Variants in CAPN11 observed in about 807,000 individuals in gnomAD.
CAPN11 encodes the protein calpain-11.
A neutral mutation model predicts 105.3 loss-of-function variants in CAPN11; 108 were observed. The observed-to-expected ratio is 1.03, with a 90% confidence interval of 0.88 to 1.20. CAPN11 has a LOEUF of 1.20. CAPN11 is among the 50% of genes most tolerant of loss of function. The pLI is 0.00. For synonymous variants in CAPN11, 329 were observed against 344.5 expected, an observed-to-expected ratio of 0.96 and a Z score of 0.50; for missense variants, 883 against 924.8, an observed-to-expected ratio of 0.95 and a Z score of 0.59.
intron 1 of CAPN11, among the ~76,000 whole-genome samples, chr6:44,165,956 G>A (rs991395806): frequency 6.6e-6 from 1 of 152,166 alleles, no homozygotes; most frequent in Admixed American, 6.5e-5. Context: ...GGGGTTGTCT[G>A]AAGGCCCTGG....
Position 44,183,894 on chromosome 6 carries a change from C to T in CAPN11, c.2194-12C>T. 1 of 1,560,682 alleles carries T rather than the reference C, an allele frequency of 6.4e-7. No homozygotes were observed. Among genetic ancestry groups the T allele is most frequent in the Non-Finnish European group, 8.7e-7 (1 of 1,151,864 alleles). ...CTCTTCCCACCCTGGGATCTGCTTC[C>T]TGTCTCCACAGTGGCTGCAGATGAC... is the stretch of plus-strand genomic sequence containing the variant. On this transcript the variant is annotated splice_polypyrimidine_tract_variant and intron_variant, in intron 22 of 22. Coordinates refer to ENST00000398776, the MANE Select transcript of CAPN11 (RefSeq NM_007058.4).
At chr6:44,172,188 G>C (rs1362195561) in intron 4 of CAPN11, 114 bp from the exon 5 acceptor site, 1 of 603,624 alleles carries the variant, frequency 1.7e-6, no homozygotes, top group Non-Finnish European at 2.8e-6. Context: ...CTCCGCCGGG[G>C]GGGTGAGAAT....
chr6:44,180,891 A>G (rs745945490), intron 17 of CAPN11, 42 bp from the exon 18 acceptor site: 2 of 1,607,462 alleles, frequency 1.2e-6, no homozygotes, highest in Non-Finnish European at 1.7e-6. Context: ...ACGATACCTC[A>G]TTTACCCTGT....
rs1292133072 is a variant in CAPN11, at chr6:44,169,343, G to C, written c.151G>C (p.Gly51Arg). ...AAACAACAGCCGGCTCAAGGCCAAG[G>C]GCGTGGGCCAGCACGACAACGCCCA... ...HINNSRLKAK[G>R]VGQHDNAQNF... The change falls in exon 3 of 23, where the codon GGC becomes CGC. Residue 51 changes from glycine (G) to arginine (R), a missense_variant. Transcript: ENST00000398776. 3 of 1,614,016 alleles carry C rather than the reference G, an allele frequency of 1.9e-6. No individual in the cohort carries two copies. The highest frequency in any genetic ancestry group is 2.5e-6 in the Non-Finnish European group (3 of 1,179,894).
chr6:44,172,669 G>A (rs761942642), intron 5 of CAPN11, among the ~76,000 whole-genome samples: 25 of 152,216 alleles, frequency 1.6e-4, no homozygotes, highest in Non-Finnish European at 3.2e-4. Flanking sequence ...CACTGTGTGT[G>A]TGGGTGTGTG....
chr6:44,172,430 AGT>A lies in CAPN11; in HGVS notation c.528+14_528+15del. ...CATCTTCCATTTTCAGGTGAAGGAC[AGT>A]GTGAGAGCCACTGTGGCTTTGTTGG... On this transcript the variant is annotated intron_variant, in intron 5 of 22. Transcript: ENST00000398776. The A allele has an allele frequency of 6.7e-7, 1 of 1,496,910 alleles. No homozygotes were observed. Among genetic ancestry groups the A allele is most frequent in the Non-Finnish European group, 9.1e-7 (1 of 1,098,776 alleles). The allele number at this position is 1,496,910 out of a possible 1,614,324, so 92.7% of individuals were successfully genotyped here.
In CAPN11 at chr6:44,179,615, C is replaced by T. The variant is rs368103218; in HGVS notation, c.1417-4C>T. On this transcript the variant is annotated splice_region_variant and splice_polypyrimidine_tract_variant and intron_variant, in intron 12 of 22. Coordinates refer to ENST00000398776, the MANE Select transcript of CAPN11 (RefSeq NM_007058.4). ...TCTGACTCTCCTCTTTCTTCCCTTC[C>T]CAGGTCCCAAAAGAGGTACAGAAGA... 3 of 1,613,268 alleles carry T rather than the reference C, an allele frequency of 1.9e-6. No homozygotes were observed. In the African/African-American group the frequency reaches 4.0e-5, roughly 22 times the overall value.
chr6:44,164,824 T>C (rs528327088), intron 1 of CAPN11, among the ~76,000 whole-genome samples: 8 of 152,246 alleles, frequency 5.3e-5, no homozygotes, highest in African/African-American at 1.7e-4. Flanking sequence ...ACATCTAAAG[T>C]ACTGGGGAGG....
chr6:44,184,155 C>T lies in CAPN11; in HGVS notation c.*223C>T. On this transcript the variant is annotated 3_prime_UTR_variant, in exon 23 of 23. Transcript: ENST00000398776. ...GCTTTCTCTTTTTTCCCCAACCCGG[C>T]TTCTGATGGCTGGCTTTCCCCCACC... The T allele has an allele frequency of 1.7e-6, 1 of 583,752 alleles. No individual in the cohort carries two copies. Among genetic ancestry groups the T allele is most frequent in the South Asian group, 2.2e-5 (1 of 46,152 alleles). 36.2% of individuals were successfully genotyped at this position (583,752 alleles called of 1,614,324 possible).
intron 4 of CAPN11, among the ~76,000 whole-genome samples, chr6:44,171,805 C>T (rs1266784512): frequency 2.6e-5 from 4 of 152,230 alleles, no homozygotes; most frequent in Non-Finnish European, 5.9e-5. Context: ...GTGGCTCACA[C>T]CTGTAATCCC....
intron 2 of CAPN11, among the ~76,000 whole-genome samples, chr6:44,168,702 C>A (rs762784822): frequency 3.3e-5 from 5 of 152,054 alleles, no homozygotes; most frequent in Non-Finnish European, 7.4e-5. Context: ...AGCTCTGCAC[C>A]TCCGCCTCCT....
At chr6:44,171,876 G>T (rs113697001) in intron 4 of CAPN11, among the ~76,000 whole-genome samples, 92 of 152,244 alleles carry the variant, frequency 6.0e-4, no homozygotes, top group Admixed American at 1.8e-3. Context: ...GACCAGCGTG[G>T]CCAACATGGT....
chr6:44,177,039 A>T, intron 11 of CAPN11, 41 bp downstream of exon 11: 2 of 1,597,228 alleles, frequency 1.3e-6, no homozygotes, highest in Non-Finnish European at 1.7e-6. Flanking sequence ...GCAGGGAGTG[A>T]AGGATGGGCC....
intron 1 of CAPN11, among the ~76,000 whole-genome samples, chr6:44,163,406 G>A (rs555824651): frequency 6.6e-6 from 1 of 152,244 alleles, no homozygotes; most frequent in South Asian, 2.1e-4. Flanking sequence ...CCGCACCAAG[G>A]CCAGTTGACT....
At position 44,176,100 on chromosome 6, in the gene CAPN11, T is replaced by C. The variant is rs1771953553; in HGVS notation, c.864T>C (p.Thr288=). The part of the protein sequence containing the change: ...VTSDSELESM[T]DKMLVRGHAY... ...GTGATAGTGAACTGGAATCCATGAC[T>C]GACAAGATGCTGGTGAGAGGGCACG... Residue 288 remains threonine, a synonymous_variant, in exon 8 of 23, where the codon ACT becomes ACC. Transcript: ENST00000398776. 1 of 1,612,928 alleles carries C rather than the reference T, an allele frequency of 6.2e-7. No homozygotes were observed. The highest frequency in any genetic ancestry group is 8.5e-7 in the Non-Finnish European group (1 of 1,179,490).
intron 2 of CAPN11, among the ~76,000 whole-genome samples, chr6:44,167,500 A>T: frequency 6.9e-6 from 1 of 145,464 alleles, no homozygotes; most frequent in Non-Finnish European, 1.5e-5. Flanking sequence ...TCCATCTCAA[A>T]AAAAAAAAAA....
Position 44,177,513 on chromosome 6 carries a change from A to T in CAPN11, c.1416+93A>T, listed in dbSNP as rs1407096453. 7 of 1,202,412 alleles carry T rather than the reference A, an allele frequency of 5.8e-6. No individual in the cohort carries two copies. The African/African-American group carries it at 1.1e-4, about 18-fold the overall frequency. 74.5% of individuals were successfully genotyped at this position (1,202,412 alleles called of 1,614,324 possible). On this transcript the variant is annotated intron_variant, in intron 12 of 22. Transcript: ENST00000398776. Reference sequence around the variant, plus strand: ...CTTTCTTTTTTTTTTTTCGAGACAGAGTCTCACTCTGTTGCCCAGGCTGGA... The same window carrying T: ...CTTTCTTTTTTTTTTTTCGAGACAGTGTCTCACTCTGTTGCCCAGGCTGGA...
chr6:44,176,302 G>A lies in CAPN11; in HGVS notation c.965G>A (p.Trp322Ter). Residue 322 changes from tryptophan to a stop codon, truncating the protein, a stop_gained, in exon 9 of 23, where the codon TGG (tryptophan) becomes TAG (stop). Coordinates refer to ENST00000398776, the MANE Select transcript of CAPN11 (RefSeq NM_007058.4). LOFTEE classifies it high-confidence loss of function. Reference sequence around the variant, plus strand: ...ACACTGATTCGGGTCCGGAATCCCTGGGGCCGGATTGAGTGGAATGGAGCT... The same window carrying A: ...ACACTGATTCGGGTCCGGAATCCCTAGGGCCGGATTGAGTGGAATGGAGCT... ...METLIRVRNP[W>*]GRIEWNGAWS... 6.2e-7 allele frequency: 1 copy of A among 1,613,936 alleles called. No homozygotes were observed. The highest frequency in any genetic ancestry group is 8.5e-7 in the Non-Finnish European group (1 of 1,179,864).
intron 2 of CAPN11, among the ~76,000 whole-genome samples, chr6:44,167,733 G>C (rs1394609592): frequency 6.6e-6 from 1 of 151,720 alleles, no homozygotes; most frequent in Non-Finnish European, 1.5e-5. Context: ...AACATAGTGA[G>C]ATCCTGTCTC....
Sources: allele counts gnomAD v4.1 joint callset (sites outside exome capture counted in the v4.1 genomes callset), GRCh38; gene constraint gnomAD v4.1.1; transcripts MANE v1.5; gene names NCBI Gene and HGNC (gene_info 2026-07-23, HGNC 2026-07-21).